CAMTA1: variants seen among roughly 807,000 people sequenced by gnomAD.
The protein encoded by CAMTA1 is calmodulin binding transcription activator 1.
CAMTA1 carries 27 observed loss-of-function variants against 170.9 expected under a neutral mutation model. The ratio of observed to expected loss-of-function variants is 0.16; its 90% CI spans 0.12 to 0.22. The LOEUF (loss-of-function observed/expected upper bound fraction) is 0.22, where lower values mean the gene tolerates loss of function less well. CAMTA1 is among the 10% of genes least tolerant of loss of function. The probability of loss-of-function intolerance (pLI) is 1.00; values close to 1 mark genes in which losing one functional copy is unlikely to be tolerated. For missense variants in CAMTA1, 1,619 were observed against 2,217.2 expected, an observed-to-expected ratio of 0.73 and a Z score of 5.42; for synonymous variants, 833 against 891.5, an observed-to-expected ratio of 0.93 and a Z score of 1.17.
chr1:7,359,076 C>A (rs1272546201), intron 5 of CAMTA1, among the ~76,000 whole-genome samples: 1 of 152,198 alleles, frequency 6.6e-6, no homozygotes, highest in Non-Finnish European at 1.5e-5. Context: ...TGGGATGGAG[C>A]AGGCTCACGT....
chr1:6,884,785 A>C (rs1672714839), intron 3 of CAMTA1, among the ~76,000 whole-genome samples: 1 of 152,236 alleles, frequency 6.6e-6, no homozygotes, highest in South Asian at 2.1e-4. Context: ...GGGAATGCGC[A>C]GTCTAAGCAG....
At chr1:7,280,347 A>G (rs927809592) in intron 5 of CAMTA1, among the ~76,000 whole-genome samples, 2 of 152,210 alleles carry the variant, frequency 1.3e-5, no homozygotes, top group African/African-American at 4.8e-5. Flanking sequence ...GAAGTGCTAG[A>G]ATGCTTCCCA....
At chr1:7,043,629 A>G (rs1339531081) in intron 3 of CAMTA1, among the ~76,000 whole-genome samples, 3 of 152,126 alleles carry the variant, frequency 2.0e-5, no homozygotes, top group Non-Finnish European at 4.4e-5. Context: ...TTGGTTGGTC[A>G]TCTTCCTTAT....
chr1:6,906,181 A>AATGCTCCTGGCAAT (rs113884533), intron 3 of CAMTA1, among the ~76,000 whole-genome samples: 99,406 of 151,880 alleles, frequency 0.65, 32,964 homozygotes, highest in Admixed American at 0.75. Context: ...GTCATGTCAA[A>AATGCTCCTGGCAAT]TGGTACTCCC....
At chr1:7,655,135 C>T (rs1240167212) in intron 7 of CAMTA1, among the ~76,000 whole-genome samples, 3 of 139,810 alleles carry the variant, frequency 2.1e-5, no homozygotes, top group Non-Finnish European at 4.6e-5. Flanking sequence ...CCTCTATACA[C>T]ACAAACCCAC....
chr1:7,203,908 T>C (rs1657184251), intron 4 of CAMTA1, among the ~76,000 whole-genome samples: 1 of 151,294 alleles, frequency 6.6e-6, no homozygotes, highest in Non-Finnish European at 1.5e-5. Flanking sequence ...CTCGGCTCAC[T>C]GCAAGCTCCG....
At chr1:6,986,505 G>A (rs1355334846) in intron 3 of CAMTA1, among the ~76,000 whole-genome samples, 5 of 152,086 alleles carry the variant, frequency 3.3e-5, no homozygotes, top group Admixed American at 1.3e-4. Flanking sequence ...CAAAGGAGTC[G>A]GATGCCAGTG....
chr1:7,289,026 G>A (rs975391452), intron 5 of CAMTA1, among the ~76,000 whole-genome samples: 1 of 152,142 alleles, frequency 6.6e-6, no homozygotes, highest in African/African-American at 2.4e-5. Flanking sequence ...TACAATCATG[G>A]TGTAAGGCAA....
chr1:7,656,292 A>G (rs2095902599), intron 7 of CAMTA1, among the ~76,000 whole-genome samples: 1 of 152,182 alleles, frequency 6.6e-6, no homozygotes, highest in African/African-American at 2.4e-5. Context: ...TTAAGGGGAC[A>G]TTGGGGTTGG....
chr1:7,541,306 T>C (rs888557299), intron 6 of CAMTA1, among the ~76,000 whole-genome samples: 3 of 152,226 alleles, frequency 2.0e-5, no homozygotes, highest in African/African-American at 7.2e-5. Context: ...AAATGATACC[T>C]CTAGACAGAT....
chr1:6,890,291 C>T (rs1674228549), intron 3 of CAMTA1, among the ~76,000 whole-genome samples: 1 of 152,198 alleles, frequency 6.6e-6, no homozygotes, highest in Non-Finnish European at 1.5e-5. Context: ...AGGGAATTTC[C>T]AGGTGGACTT....
intron 6 of CAMTA1, among the ~76,000 whole-genome samples, chr1:7,615,436 A>G (rs1337082287): frequency 2.0e-5 from 3 of 152,220 alleles, no homozygotes; most frequent in Non-Finnish European, 4.4e-5. Context: ...CAGCTGTGAC[A>G]CTGATTAGCT....
At chr1:7,386,268 C>T (rs920655210) in intron 5 of CAMTA1, among the ~76,000 whole-genome samples, 17 of 152,224 alleles carry the variant, frequency 1.1e-4, no homozygotes, top group African/African-American at 3.4e-4. Flanking sequence ...AGGCAGAGCT[C>T]GGTTAGCATC....
At chr1:7,613,745 C>T (rs116042579) in intron 6 of CAMTA1, among the ~76,000 whole-genome samples, 1,204 of 105,596 alleles carry the variant, frequency 0.011, 14 homozygotes, top group African/African-American at 0.04. Flanking sequence ...AGGCCGGACC[C>T]GGAGGAGTAG....
At chr1:6,789,510 T>G (rs1006157449) in intron 1 of CAMTA1, among the ~76,000 whole-genome samples, 6 of 152,248 alleles carry the variant, frequency 3.9e-5, no homozygotes, top group Admixed American at 1.3e-4. Context: ...TACCCCTTTG[T>G]GTGCAGTTGT....
intron 4 of CAMTA1, among the ~76,000 whole-genome samples, chr1:7,165,276 G>C (rs1648140729): frequency 6.6e-6 from 1 of 152,120 alleles, no homozygotes; most frequent in Non-Finnish European, 1.5e-5. Flanking sequence ...ATGTACAGCT[G>C]TTTACCCACC....
intron 6 of CAMTA1, among the ~76,000 whole-genome samples, chr1:7,605,279 G>T (rs577483890): frequency 6.6e-6 from 1 of 152,364 alleles, no homozygotes; most frequent in South Asian, 2.1e-4. Context: ...CCTGCCCCCA[G>T]AGGTGGAGTC....
intron 1 of CAMTA1, among the ~76,000 whole-genome samples, chr1:6,788,898 C>T (rs1358627609): frequency 6.6e-6 from 1 of 152,108 alleles, no homozygotes; most frequent in African/African-American, 2.4e-5. Context: ...TTCCTTTTAC[C>T]TTGTAGTGCA....
rs2094529663 is a variant in CAMTA1 at position 7,534,709 on chromosome 1, C to T, written c.510+66808C>T. Among the ~76,000 whole-genome samples, 1 of 152,186 alleles carries T rather than the reference C, an allele frequency of 6.6e-6. No homozygotes were observed. The highest frequency in any genetic ancestry group is 1.5e-5 in the Non-Finnish European group (1 of 68,044). On this transcript the variant is annotated intron_variant, in intron 6 of 22. Transcript: ENST00000303635. The surrounding 1 kb of genome is among the most constrained non-coding windows in gnomAD (Gnocchi z 5.6). ...GAGGCCACGGCGGGGACTCCTCACT[C>T]CTCCTTCCTAAGACCACAGGGGGCA...
Sources: gnomAD v4.1 joint callset for allele counts (sites outside exome capture counted in the v4.1 genomes callset) on GRCh38, gnomAD v4.1.1 for gene constraint, Gnocchi (gnomAD v3.1) non-coding constraint, MANE v1.5 for transcripts, NCBI Gene and HGNC (gene_info 2026-07-23, HGNC 2026-07-21) for gene names.